FTO: variants seen among roughly 807,000 people sequenced by gnomAD.
FTO encodes alpha-ketoglutarate-dependent dioxygenase FTO.
Under a neutral mutation model 63.9 loss-of-function variants are expected in FTO, and 47 were observed. The observed-to-expected ratio is 0.74, with a 90% CI of 0.58 to 0.94. The LOEUF (loss-of-function observed/expected upper bound fraction) is 0.94, where lower values mean the gene tolerates loss of function less well. Among genes scored for constraint, FTO ranks in the 40% least tolerant of loss-of-function variants. The pLI is 0.00. For synonymous variants in FTO, 207 were observed against 224.4 expected (o/e 0.92, Z 0.69); for missense variants, 562 against 618.1 (o/e 0.91, Z 0.96).
At chr16:53,909,153 A>T (rs1415167589) in intron 7 of FTO, among the ~76,000 whole-genome samples, 2 of 152,192 alleles carry the variant, frequency 1.3e-5, no homozygotes, top group Admixed American at 6.5e-5. Flanking sequence ...GAAAAAGTAC[A>T]GTTCATATTC....
intron 3 of FTO, among the ~76,000 whole-genome samples, chr16:53,839,867 C>T (rs948732856): frequency 6.6e-5 from 10 of 151,536 alleles, no homozygotes; most frequent in South Asian, 2.1e-4. Context: ...TGCAGTGGCG[C>T]GATCTCGGCT....
chr16:53,924,340 CAGCT>C (rs1330032664), intron 7 of FTO, among the ~76,000 whole-genome samples: 1 of 152,202 alleles, frequency 6.6e-6, no homozygotes, highest in East Asian at 1.9e-4. Flanking sequence ...TGATTACTCT[CAGCT>C]AGCCCCCTTA....
intron 4 of FTO, among the ~76,000 whole-genome samples, chr16:53,867,190 T>G (rs775207365): frequency 6.6e-6 from 1 of 152,182 alleles, no homozygotes; most frequent in Non-Finnish European, 1.5e-5. Flanking sequence ...CCAACTATCT[T>G]TCTGTTATTA....
chr16:54,079,606 C>T (rs1019670768), intron 8 of FTO, among the ~76,000 whole-genome samples: 2 of 152,144 alleles, frequency 1.3e-5, no homozygotes, highest in East Asian at 1.9e-4. Flanking sequence ...AGGCAACCCA[C>T]GGGGTGAGGG....
At chr16:53,800,577 T>C (rs1037815359) in intron 1 of FTO, among the ~76,000 whole-genome samples, 2 of 152,200 alleles carry the variant, frequency 1.3e-5, no homozygotes, top group African/African-American at 4.8e-5. Flanking sequence ...ACAAGGATAT[T>C]GAAATCTTAG....
At chr16:53,704,056 G>GT (rs1971785420), upstream of FTO, 4 of 1,028,030 alleles carry the variant, frequency 3.9e-6, no homozygotes, top group South Asian at 2.7e-5. Flanking sequence ...GGGAGTTGTA[G>GT]TTTTTTCTAC....
chr16:54,113,081 A>G lies in FTO; in HGVS notation c.*1166A>G, dbSNP rs1439455580. 1.3e-5 allele frequency: 2 copies of G among 152,230 alleles called. No homozygotes were observed. Among genetic ancestry groups the G allele is most frequent in the South Asian group, 2.1e-4 (1 of 4,820 alleles). The allele number at this position is 152,230 out of a possible 1,614,324, so 9.4% of individuals were successfully genotyped here. A position where few individuals can be genotyped will look rare whatever the true frequency, so the allele number is the denominator to read the frequency against. ...AACATTAAGTGAGATGATTCTAGTT[A>G]CAGACTTAGAACAATTTCCAGCACA... On this transcript the variant is annotated 3_prime_UTR_variant, in exon 9 of 9. Transcript: ENST00000471389.
At chr16:53,769,200 C>G (rs2077277428) in intron 1 of FTO, among the ~76,000 whole-genome samples, 1 of 152,090 alleles carries the variant, frequency 6.6e-6, no homozygotes, top group Non-Finnish European at 1.5e-5. Context: ...TCGATTATGT[C>G]CATTTATCTT....
intron 8 of FTO, among the ~76,000 whole-genome samples, chr16:54,023,523 A>G (rs2084646711): frequency 6.6e-6 from 1 of 152,218 alleles, no homozygotes; most frequent in Non-Finnish European, 1.5e-5. Flanking sequence ...CCTGGAGCTC[A>G]TAACTAATCT....
chr16:54,020,838 G>A (rs1393064939), intron 8 of FTO, among the ~76,000 whole-genome samples: 2 of 152,160 alleles, frequency 1.3e-5, no homozygotes, highest in Non-Finnish European at 2.9e-5. Context: ...TGGGCATGGT[G>A]GCACATGCCT....
chr16:53,910,998 G>A (rs143296741), intron 7 of FTO, among the ~76,000 whole-genome samples: 179 of 152,346 alleles, frequency 1.2e-3, no homozygotes, highest in African/African-American at 4.1e-3. Flanking sequence ...AAGTTTAGGG[G>A]CAAATGAGTT....
intron 8 of FTO, among the ~76,000 whole-genome samples, chr16:53,954,735 C>T (rs971970716): frequency 2.6e-5 from 4 of 152,016 alleles, no homozygotes; most frequent in Non-Finnish European, 5.9e-5. Context: ...CACAGTAGAG[C>T]CCATGGGCTG....
intron 8 of FTO, among the ~76,000 whole-genome samples, chr16:54,031,386 T>G (rs1246764834): frequency 1.3e-5 from 2 of 152,330 alleles, no homozygotes; most frequent in Non-Finnish European, 2.9e-5. Flanking sequence ...ATATTTCTCA[T>G]ATTTGCCTTC....
chr16:53,721,491 C>A lies in FTO; in HGVS notation c.45+17262C>A, dbSNP rs188195648. 1.7e-3 allele frequency among the ~76,000 whole-genome samples: 263 copies of A among 152,142 alleles called. 1 individual carries two copies. The highest frequency in any genetic ancestry group is 4.1e-3 in the East Asian group (21 of 5,172). ...ATGATTATTCCTTCCCTTTCAATTG[C>A]AGTTACATTACATTTTCATTGTTTC... On this transcript the variant is annotated intron_variant, in intron 1 of 8. Transcript: ENST00000471389.
chr16:54,001,599 G>A (rs2084068040), intron 8 of FTO, among the ~76,000 whole-genome samples: 1 of 152,178 alleles, frequency 6.6e-6, no homozygotes, highest in African/African-American at 2.4e-5. Flanking sequence ...TGGTTTGTGA[G>A]TATAATTTTG....
intron 5 of FTO, among the ~76,000 whole-genome samples, chr16:53,877,903 T>A (rs2080707276): frequency 6.6e-6 from 1 of 152,244 alleles, no homozygotes; most frequent in Admixed American, 6.5e-5. Flanking sequence ...AGGTTGTTTC[T>A]AATCTTGCAT....
In FTO at chr16:54,041,300, C is replaced by T. The variant is rs1030187933; in HGVS notation, c.1365-70462C>T. Among the ~76,000 whole-genome samples the T allele has an allele frequency of 4.6e-5, 7 of 152,058 alleles. No individual in the cohort carries two copies. The East Asian group carries it at 1.2e-3, about 25-fold the overall frequency. On this transcript the variant is annotated intron_variant, in intron 8 of 8. Coordinates refer to ENST00000471389, the MANE Select transcript of FTO (RefSeq NM_001080432.3). Reference sequence around the variant, plus strand: ...CAGGGGGAAACCACCACTTTTAAACCATCAGATCTCGTGAGAACTCCCTCA... The same window carrying T: ...CAGGGGGAAACCACCACTTTTAAACTATCAGATCTCGTGAGAACTCCCTCA...
At chr16:53,725,030 T>C (rs1175117362) in intron 1 of FTO, among the ~76,000 whole-genome samples, 2 of 152,238 alleles carry the variant, frequency 1.3e-5, no homozygotes, top group African/African-American at 4.8e-5. Context: ...ATTAATCAGC[T>C]AAGCTGTTTT....
chr16:53,745,751 G>A (rs1306313663), intron 1 of FTO, among the ~76,000 whole-genome samples: 4 of 152,122 alleles, frequency 2.6e-5, no homozygotes, highest in South Asian at 2.1e-4. Flanking sequence ...GTGGTGTTGG[G>A]TGAGGGTTCC....
Sources: gnomAD v4.1 joint callset for allele counts (sites outside exome capture counted in the v4.1 genomes callset) on GRCh38, gnomAD v4.1.1 for gene constraint, MANE v1.5 for transcripts, NCBI Gene and HGNC (gene_info 2026-07-23, HGNC 2026-07-21) for gene names.